ACVR1: variants seen among roughly 807,000 people sequenced by gnomAD.
ACVR1 encodes the protein activin A receptor type 1, also known as activin receptor type-1.
Under a neutral mutation model 57.1 loss-of-function variants are expected in ACVR1, and 38 were observed. The ratio of observed to expected loss-of-function variants is 0.67; its 90% CI spans 0.51 to 0.87. ACVR1 has a LOEUF of 0.87. ACVR1 is among the 40% of genes least tolerant of loss of function. The probability of loss-of-function intolerance (pLI) is 0.00; values close to 1 mark genes in which losing one functional copy is unlikely to be tolerated. For synonymous variants in ACVR1, 212 were observed against 228.1 expected (o/e 0.93, Z 0.63); for missense variants, 463 against 638.2 (o/e 0.73, Z 2.96).
At chr2:157,828,565 G>T (rs1426545513) in intron 1 of ACVR1, among the ~76,000 whole-genome samples, 4 of 151,996 alleles carry the variant, frequency 2.6e-5, no homozygotes, top group Non-Finnish European at 4.4e-5. Context: ...AGGCTGCTGA[G>T]ATCATGTCAC....
chr2:157,780,920 C>T (rs999705871), intron 3 of ACVR1, among the ~76,000 whole-genome samples: 21 of 152,178 alleles, frequency 1.4e-4, no homozygotes, highest in African/African-American at 3.1e-4. Context: ...TAACCTTCAG[C>T]GTGATTGGCT....
intron 6 of ACVR1, among the ~76,000 whole-genome samples, chr2:157,771,462 T>C (rs1396167769): frequency 6.6e-6 from 1 of 152,142 alleles, no homozygotes; most frequent in Admixed American, 6.5e-5. Flanking sequence ...AGGAGGTAAT[T>C]ACCACAAGAC....
Position 157,780,584 on chromosome 2 carries a change from G to A in ACVR1, c.84C>T (p.Val28=). Reference sequence around the variant, plus strand: ...ACACACACATGTAGAGTTTGGGGTTGACCTTGGGCTTCTCATCTGCAAAGG... The same window carrying A: ...ACACACACATGTAGAGTTTGGGGTTAACCTTGGGCTTCTCATCTGCAAAGG... ...SPSMEDEKPK[V]NPKLYMCVCE... The change falls in exon 4 of 11, where the codon GTC becomes GTT. Residue 28 remains valine (V), a synonymous_variant. Transcript: ENST00000434821. The A allele has an allele frequency of 6.2e-7, 1 of 1,613,352 alleles. No individual in the cohort carries two copies. The highest frequency in any genetic ancestry group is 8.5e-7 in the Non-Finnish European group (1 of 1,179,886).
chr2:157,865,704 A>G lies in ACVR1; in HGVS notation c.-183+10092T>C, dbSNP rs959232099. On this transcript the variant is annotated intron_variant, in intron 1 of 10. Transcript: ENST00000434821. ...CTACTCGGGAGGCTGAGGCAGGAGA[A>G]TCACTTGAACCCGGGAGGCAGAGGT... Among the ~76,000 whole-genome samples, 13 of 151,576 alleles carry G rather than the reference A, an allele frequency of 8.6e-5. 1 individual carries two copies. The highest frequency in any genetic ancestry group is 4.6e-4 in the Admixed American group (7 of 15,188).
At chr2:157,849,660 A>G (rs2105363643) in intron 1 of ACVR1, among the ~76,000 whole-genome samples, 1 of 152,376 alleles carries the variant, frequency 6.6e-6, no homozygotes, top group South Asian at 2.1e-4. Context: ...TTTTATTAAA[A>G]ATATTCTACA....
intron 1 of ACVR1, among the ~76,000 whole-genome samples, chr2:157,853,266 C>G (rs1041825327): frequency 1.3e-5 from 2 of 152,168 alleles, no homozygotes; most frequent in African/African-American, 4.8e-5. Flanking sequence ...GTTCTAGAGG[C>G]TAGAAGTCCA....
At chr2:157,754,277 G>A (rs578214848) in intron 9 of ACVR1, among the ~76,000 whole-genome samples, 3 of 152,160 alleles carry the variant, frequency 2.0e-5, no homozygotes, top group East Asian at 1.9e-4. Context: ...AGAACTAAAT[G>A]AAATCGAAAC....
At chr2:157,771,470 G>A (rs1686067594) in intron 6 of ACVR1, among the ~76,000 whole-genome samples, 1 of 152,104 alleles carries the variant, frequency 6.6e-6, no homozygotes, top group Admixed American at 6.5e-5. Context: ...ATTACCACAA[G>A]ACTATGAGGA....
Position 157,760,972 on chromosome 2 carries a change from A to T in ACVR1, c.1172T>A (p.Ile391Asn). Residue 391 changes from isoleucine to asparagine, a missense_variant, in exon 9 of 11, where the codon ATC (isoleucine) becomes AAC (asparagine). Around this residue, in one of 3 missense-constraint regions of ACVR1, gnomAD observed 146 missense variants for 186.6 expected, o/e 0.78. Coordinates refer to ENST00000434821, the MANE Select transcript of ACVR1 (RefSeq NM_001111067.4). ...ATAAGAATCGAAACAATCCACCTGG[A>T]TGGTTTCATCTAGAACTTCGGGGGC... The part of the protein sequence containing the change: ...YMAPEVLDET[I>N]QVDCFDSYKR... 6.2e-7 allele frequency: 1 copy of T among 1,614,166 alleles called. No individual in the cohort carries two copies. Among genetic ancestry groups the T allele is most frequent in the Non-Finnish European group, 8.5e-7 (1 of 1,180,024 alleles).
chr2:157,868,262 A>C (rs71421054), intron 1 of ACVR1, among the ~76,000 whole-genome samples: 1 of 151,980 alleles, frequency 6.6e-6, no homozygotes, highest in Non-Finnish European at 1.5e-5. Context: ...AGGTGGGTGA[A>C]TCACGAGGTC....
chr2:157,841,431 AG>A (rs959754420), intron 1 of ACVR1, among the ~76,000 whole-genome samples: 6 of 152,194 alleles, frequency 3.9e-5, no homozygotes, highest in Admixed American at 1.3e-4. Context: ...AGGAAGACCA[AG>A]AAGGCCACTA....
Position 157,737,392 on chromosome 2 carries a change from A to T in ACVR1, c.*139T>A. The T allele has an allele frequency of 8.9e-7, 1 of 1,125,156 alleles. No homozygotes were observed. Among genetic ancestry groups the T allele is most frequent in the Non-Finnish European group, 1.3e-6 (1 of 771,586 alleles). 69.7% of individuals were successfully genotyped at this position (1,125,156 alleles called of 1,614,324 possible). A position where few individuals can be genotyped will look rare whatever the true frequency, so the allele number is the denominator to read the frequency against. On this transcript the variant is annotated 3_prime_UTR_variant, in exon 11 of 11. Transcript: ENST00000434821. ...ATGTCTCCCCAACACATGGCTGGGTACGACGTCTGCCTTGTCAAAGCAGCC... is the reference window on the plus strand; with the variant it reads ...ATGTCTCCCCAACACATGGCTGGGTTCGACGTCTGCCTTGTCAAAGCAGCC...
chr2:157,745,515 C>T (rs1401989711), intron 9 of ACVR1, among the ~76,000 whole-genome samples: 1 of 152,266 alleles, frequency 6.6e-6, no homozygotes, highest in South Asian at 2.1e-4. Flanking sequence ...TTGCAGCCTT[C>T]AACTTATTTT....
chr2:157,786,765 G>A (rs1686728194), intron 3 of ACVR1, among the ~76,000 whole-genome samples: 1 of 152,154 alleles, frequency 6.6e-6, no homozygotes, highest in South Asian at 2.1e-4. Flanking sequence ...ATGGTGATTA[G>A]AATCATCAAA....
At chr2:157,839,673 G>A (rs1344611887) in intron 1 of ACVR1, among the ~76,000 whole-genome samples, 2 of 152,176 alleles carry the variant, frequency 1.3e-5, no homozygotes, top group East Asian at 3.9e-4. Flanking sequence ...ATGACCTACT[G>A]TAATCTGATA....
At chr2:157,791,847 G>A (rs1440499882) in intron 3 of ACVR1, among the ~76,000 whole-genome samples, 1 of 152,152 alleles carries the variant, frequency 6.6e-6, no homozygotes, top group Non-Finnish European at 1.5e-5. Context: ...TATGAACTGG[G>A]ACGTGAAGTT....
chr2:157,749,309 G>A (rs111357731), intron 9 of ACVR1, among the ~76,000 whole-genome samples: 60 of 152,170 alleles, frequency 3.9e-4, no homozygotes, highest in Non-Finnish European at 5.7e-4. Flanking sequence ...GGGGACATAG[G>A]TTAAAAATGA....
intron 1 of ACVR1, among the ~76,000 whole-genome samples, chr2:157,869,663 T>C (rs773244371): frequency 1.8e-4 from 28 of 152,212 alleles, no homozygotes; most frequent in Admixed American, 8.5e-4. Flanking sequence ...AATAGAACAT[T>C]TATGTTTATA....
chr2:157,760,540 A>G (rs1210575742), intron 9 of ACVR1, among the ~76,000 whole-genome samples: 1 of 152,232 alleles, frequency 6.6e-6, no homozygotes, highest in Admixed American at 6.5e-5. Flanking sequence ...TATTACATAC[A>G]TTTATCAAAA....
Sources: allele counts gnomAD v4.1 joint callset (sites outside exome capture counted in the v4.1 genomes callset), GRCh38; gene constraint gnomAD v4.1.1; regional missense constraint gnomAD v4.1.1; transcripts MANE v1.5; gene names NCBI Gene and HGNC (gene_info 2026-07-23, HGNC 2026-07-21).